The following AZGP1 variants were observed in gnomAD, a reference collection of about 807,000 sequenced individuals.
The protein encoded by AZGP1 is zinc-alpha-2-glycoprotein.
AZGP1 carries 28 observed loss-of-function variants against 31.5 expected under a neutral mutation model. That is an observed-to-expected ratio of 0.89 (90% confidence interval 0.66 to 1.22). The LOEUF is 1.22. Among genes scored for constraint, AZGP1 ranks in the 50% most tolerant of loss-of-function variants. The pLI, the probability that AZGP1 is intolerant of heterozygous loss-of-function variation, is 0.00. For synonymous variants in AZGP1, 135 were observed against 145.4 expected (o/e 0.93, Z 0.51); for missense variants, 361 against 371.8 (o/e 0.97, Z 0.24).
At chr7:99,968,479 T>A in intron 2 of AZGP1, 49 bp from the exon 3 acceptor site, 3 of 1,589,216 alleles carry the variant, frequency 1.9e-6, no homozygotes, top group Non-Finnish European at 2.6e-6. Context: ...TGGTGAGAAA[T>A]TTATCAAAAT....
At chr7:99,970,737 T>G (rs1331415109) in intron 2 of AZGP1, among the ~76,000 whole-genome samples, 2 of 152,134 alleles carry the variant, frequency 1.3e-5, no homozygotes, top group African/African-American at 4.8e-5. Context: ...CCCACATCCT[T>G]GAAACATCTG....
intron 1 of AZGP1, among the ~76,000 whole-genome samples, chr7:99,975,337 T>C (rs1427199495): frequency 1.3e-5 from 2 of 152,164 alleles, no homozygotes; most frequent in Non-Finnish European, 2.9e-5. Context: ...GAGAAGCCAT[T>C]CGCTTCCATG....
intron 1 of AZGP1, 120 bp from the exon 2 acceptor site, chr7:99,972,126 T>C (rs1041974907): frequency 6.8e-6 from 8 of 1,175,898 alleles, no homozygotes; most frequent in African/African-American, 6.2e-5. Context: ...TCTCCTGCCA[T>C]CAACTTCACA....
intron 3 of AZGP1, 39 bp from the exon 4 acceptor site, chr7:99,967,325 G>C (rs376593305): frequency 1.0e-5 from 16 of 1,595,364 alleles, no homozygotes; most frequent in African/African-American, 5.4e-5. Context: ...GGCTTGAGGT[G>C]GACTTCTCCC....
intron 2 of AZGP1, among the ~76,000 whole-genome samples, chr7:99,969,472 C>G (rs915043278): frequency 1.3e-5 from 2 of 149,712 alleles, no homozygotes; most frequent in African/African-American, 4.9e-5. Context: ...TCCCAGTTAT[C>G]GGGAGGCTGA....
At chr7:99,972,367 C>G (rs1187260871) in intron 1 of AZGP1, among the ~76,000 whole-genome samples, 1 of 152,160 alleles carries the variant, frequency 6.6e-6, no homozygotes, top group African/African-American at 2.4e-5. Context: ...GCTGGCTTGT[C>G]CCTTTTGTTT....
At chr7:99,967,476 C>A in intron 3 of AZGP1, 190 bp from the exon 4 acceptor site, 1 of 639,794 alleles carries the variant, frequency 1.6e-6, no homozygotes, top group Non-Finnish European at 2.7e-6. Context: ...CCAATCCCCA[C>A]CTCACCCATG....
At chr7:99,968,640 T>A in intron 2 of AZGP1, 2 of 633,252 alleles carry the variant, frequency 3.2e-6, no homozygotes, top group South Asian at 4.2e-5. Context: ...GCATTTCAGG[T>A]TTGTCTCAGA....
rs112176908 is a variant in AZGP1, at chr7:99,970,268, C to T, written c.337+1478G>A. ...TTTTTTGTTTTTTGTTTTTAGACAA[C>T]GTTTCACTCTTGTCACCCAGGCTGT... is the stretch of plus-strand genomic sequence containing the variant. On this transcript the variant is annotated intron_variant, in intron 2 of 3. Coordinates refer to ENST00000292401, the MANE Select transcript of AZGP1 (RefSeq NM_001185.4). 1.8e-3 allele frequency among the ~76,000 whole-genome samples: 271 copies of T among 152,160 alleles called. 1 individual carries two copies. Among genetic ancestry groups the T allele is most frequent in the African/African-American group, 6.1e-3 (252 of 41,510 alleles).
At position 99,968,962 on chromosome 7, in the gene AZGP1, CA is replaced by C. The variant is rs869115613; in HGVS notation, c.338-533del. On this transcript the variant is annotated intron_variant, in intron 2 of 3. Transcript: ENST00000292401. ...TGGGTGACAGAGTGAGACCCTATCT[CA>C]AAAAAAAAAAAAAAAAAAAAAAAAA... 7.0e-3 allele frequency among the ~76,000 whole-genome samples: 186 copies of C among 26,648 alleles called. 1 individual carries two copies. The highest frequency in any genetic ancestry group is 0.024 in the African/African-American group (151 of 6,406). The allele number at this position is 26,648 out of a possible 152,430, so 17.5% of individuals were successfully genotyped here. A position where few individuals can be genotyped will look rare whatever the true frequency, so the allele number is the denominator to read the frequency against.
Position 99,966,854 on chromosome 7 carries a change from T to C in AZGP1, c.*149A>G. 1.6e-6 allele frequency: 2 copies of C among 1,244,132 alleles called. No homozygotes were observed. The highest frequency in any genetic ancestry group is 2.2e-6 in the Non-Finnish European group (2 of 899,418). The allele number at this position is 1,244,132 out of a possible 1,614,324, so 77.1% of individuals were successfully genotyped here. ...TCAAGACAGGCATCCCAGTCTTCGG[T>C]CTCCAAATCCACCTCCTGTCTGTCC... On this transcript the variant is annotated 3_prime_UTR_variant, in exon 4 of 4. Coordinates refer to ENST00000292401, the MANE Select transcript of AZGP1 (RefSeq NM_001185.4).
intron 1 of AZGP1, among the ~76,000 whole-genome samples, chr7:99,974,555 C>T (rs1335326133): frequency 2.0e-5 from 3 of 151,966 alleles, no homozygotes; most frequent in Admixed American, 2.0e-4. Context: ...CCACTGCACT[C>T]CTGCCTGGGT....
chr7:99,969,408 T>TAAA lies in AZGP1; in HGVS notation c.338-981_338-979dup, dbSNP rs3033213. Among the ~76,000 whole-genome samples, 979 of 141,332 alleles carry TAAA rather than the reference T, an allele frequency of 6.9e-3. 11 individuals are homozygous for TAAA. The highest frequency in any genetic ancestry group is 9.3e-3 in the Non-Finnish European group (609 of 65,792). The allele number at this position is 141,332 out of a possible 152,430, so 92.7% of individuals were successfully genotyped here. On this transcript the variant is annotated intron_variant, in intron 2 of 3. Coordinates refer to ENST00000292401, the MANE Select transcript of AZGP1 (RefSeq NM_001185.4). Reference sequence around the variant, plus strand: ...TGAAAGACAGAGCAAGACTCAGTCTTAAAAAAAAAAAAAAAATTAACCAGG... The same window carrying TAAA: ...TGAAAGACAGAGCAAGACTCAGTCTTAAAAAAAAAAAAAAAAAAATTAACCAGG...
At chr7:99,975,886 C>T in intron 1 of AZGP1, 59 bp downstream of exon 1, 1 of 1,586,886 alleles carries the variant, frequency 6.3e-7, no homozygotes, top group Non-Finnish European at 8.7e-7. Flanking sequence ...AGCCACATGT[C>T]CTGTTCCTCA....
At position 99,968,168 on chromosome 7, in the gene AZGP1, G is replaced by A. The variant is rs1281455841; in HGVS notation, c.600C>T (p.Ile200=). The change falls in exon 3 of 4, where the codon ATC becomes ATT. Residue 200 remains isoleucine, a synonymous_variant. Transcript: ENST00000292401. ...AGCAGTGAGTACCTTGCCGGTCCAGGATATTTTTGCTGTATTTCAGGTATT... is the reference window on the plus strand; with the variant it reads ...AGCAGTGAGTACCTTGCCGGTCCAGAATATTTTTGCTGTATTTCAGGTATT... ...LRKYLKYSKN[I]LDRQDPPSVV... 1 of 1,613,798 alleles carries A rather than the reference G, an allele frequency of 6.2e-7. No homozygotes were observed. The highest frequency in any genetic ancestry group is 1.1e-5 in the South Asian group (1 of 91,080).
chr7:99,971,822 G>A lies in AZGP1; in HGVS notation c.261C>T (p.Ser87=). The A allele has an allele frequency of 1.2e-6, 2 of 1,614,088 alleles. No individual in the cohort carries two copies. The highest frequency in any genetic ancestry group is 1.7e-6 in the Non-Finnish European group (2 of 1,179,994). ...VEGMEDWKQD[S]QLQKAREDIF... Reference sequence around the variant, plus strand: ...TGTCCTCCCTGGCCTTCTGAAGTTGGCTGTCCTGCTTCCAATCCTCCATTC... The same window carrying A: ...TGTCCTCCCTGGCCTTCTGAAGTTGACTGTCCTGCTTCCAATCCTCCATTC... The change falls in exon 2 of 4, where the codon AGC becomes AGT. Residue 87 remains serine, a synonymous_variant. Transcript: ENST00000292401.
intron 2 of AZGP1, among the ~76,000 whole-genome samples, chr7:99,970,140 C>T (rs1011702325): frequency 6.6e-6 from 1 of 152,064 alleles, no homozygotes; most frequent in Admixed American, 6.6e-5. Context: ...ATGCCAAGAG[C>T]ACTGTTTTAG....
chr7:99,971,524 G>C (rs1789576851), intron 2 of AZGP1: 1 of 569,328 alleles, frequency 1.8e-6, no homozygotes, highest in Non-Finnish European at 3.1e-6. Flanking sequence ...CACTTCCTGT[G>C]TGACCTGAGG....
At chr7:99,974,376 A>T (rs1466178662) in intron 1 of AZGP1, among the ~76,000 whole-genome samples, 5 of 152,148 alleles carry the variant, frequency 3.3e-5, no homozygotes, top group Non-Finnish European at 7.3e-5. Flanking sequence ...TCACGAGGTC[A>T]GGATATCAAG....
Sources: allele counts gnomAD v4.1 joint callset (sites outside exome capture counted in the v4.1 genomes callset), GRCh38; gene constraint gnomAD v4.1.1; transcripts MANE v1.5; gene names NCBI Gene and HGNC (gene_info 2026-07-23, HGNC 2026-07-21).